Variants in MAF observed in about 807,000 individuals in gnomAD.
MAF encodes the protein MAF bZIP transcription factor, also known as transcription factor Maf.
Under a neutral mutation model 22.0 loss-of-function variants are expected in MAF, and 10 were observed. That is an observed-to-expected ratio of 0.45 (90% CI 0.28 to 0.77). MAF has a LOEUF of 0.77. Ranked by LOEUF, MAF falls within the 30% of genes least tolerant of loss-of-function variation. MAF has a pLI of 0.12. For synonymous variants in MAF, 337 were observed against 255.8 expected (o/e 1.32, Z -3.03); for missense variants, 544 against 548.4 (o/e 0.99, Z 0.08).
the MAF span, among the ~76,000 whole-genome samples, chr16:79,215,460 C>T: frequency 7.9e-5 from 12 of 152,010 alleles, no homozygotes; most frequent in South Asian, 1.0e-3. Context: ...AGTAAAGCCA[C>T]GAGAAAGAAG....
chr16:79,212,672 C>G, the MAF span: 1 of 152,158 alleles, frequency 6.6e-6, no homozygotes, highest in African/African-American at 2.4e-5. Flanking sequence ...ATATCATCAC[C>G]TGAAGTTTGT....
chr16:79,312,933 C>T, the MAF span, among the ~76,000 whole-genome samples: 6 of 152,234 alleles, frequency 3.9e-5, no homozygotes, highest in South Asian at 2.1e-4. Context: ...ATAAGACTTA[C>T]GGCATCATCG....
At chr16:79,398,914 G>A in the MAF span, among the ~76,000 whole-genome samples, 1 of 152,156 alleles carries the variant, frequency 6.6e-6, no homozygotes, top group Non-Finnish European at 1.5e-5. Context: ...ATGGCTCCCT[G>A]GAAGAACACA....
intron 1 of MAF, chr16:79,598,167 T>A: frequency 9.5e-7 from 1 of 1,049,104 alleles, no homozygotes; most frequent in Non-Finnish European, 1.2e-6. Context: ...AAACTTTGCT[T>A]TTTTTTTTCT....
At chr16:79,551,090 G>C in the MAF span, among the ~76,000 whole-genome samples, 1 of 152,132 alleles carries the variant, frequency 6.6e-6, no homozygotes, top group Non-Finnish European at 1.5e-5. Flanking sequence ...ATGTTGACAA[G>C]GACCTCACCC....
intron 1 of MAF, chr16:79,596,578 G>A: frequency 9.5e-7 from 1 of 1,047,232 alleles, no homozygotes; most frequent in Non-Finnish European, 1.2e-6. Flanking sequence ...CGCGTGGTTA[G>A]TTAGTAACTC....
chr16:79,380,275 C>A, the MAF span, among the ~76,000 whole-genome samples: 1 of 152,196 alleles, frequency 6.6e-6, no homozygotes, highest in East Asian at 1.9e-4. Flanking sequence ...TGTGAATCCT[C>A]AGTTTCTTCA....
chr16:79,535,076 A>G, the MAF span, among the ~76,000 whole-genome samples: 1 of 152,180 alleles, frequency 6.6e-6, no homozygotes, highest in African/African-American at 2.4e-5. Flanking sequence ...CTTACTTAGG[A>G]CAAAGTCAAT....
the MAF span, among the ~76,000 whole-genome samples, chr16:79,506,740 A>T: frequency 2.0e-5 from 3 of 152,184 alleles, no homozygotes; most frequent in African/African-American, 7.2e-5. Context: ...TCAGGGTCTC[A>T]CTGGGTGATG....
At chr16:79,354,146 C>G in the MAF span, among the ~76,000 whole-genome samples, 1 of 152,010 alleles carries the variant, frequency 6.6e-6, no homozygotes, top group East Asian at 1.9e-4. Context: ...AAGTGCGCAC[C>G]ACCGTGACTA....
chr16:79,410,405 G>C, the MAF span, among the ~76,000 whole-genome samples: 1 of 152,218 alleles, frequency 6.6e-6, no homozygotes, highest in Non-Finnish European at 1.5e-5. Context: ...ATATTGAACT[G>C]AGCAACTGCG....
At chr16:79,552,339 C>G in the MAF span, among the ~76,000 whole-genome samples, 3 of 152,028 alleles carry the variant, frequency 2.0e-5, no homozygotes, top group African/African-American at 7.2e-5. Flanking sequence ...TTCCCAGTAG[C>G]TGGACTACTG....
chr16:79,403,894 G>T, the MAF span, among the ~76,000 whole-genome samples: 3 of 152,146 alleles, frequency 2.0e-5, no homozygotes, highest in African/African-American at 7.2e-5. Flanking sequence ...GGCTGGGGAG[G>T]GCGAGAGGCA....
the MAF span, among the ~76,000 whole-genome samples, chr16:79,459,804 T>C: frequency 6.6e-6 from 1 of 152,196 alleles, no homozygotes; most frequent in Non-Finnish European, 1.5e-5. Context: ...ACTCAAGTGA[T>C]CTGCCTGCCT....
the MAF span, among the ~76,000 whole-genome samples, chr16:79,491,182 G>T: frequency 6.6e-6 from 1 of 152,110 alleles, no homozygotes; most frequent in Admixed American, 6.6e-5. Flanking sequence ...GTGCTTTCAG[G>T]GCAGGCCTGA....
At chr16:79,243,834 C>T in the MAF span, among the ~76,000 whole-genome samples, 1 of 151,918 alleles carries the variant, frequency 6.6e-6, no homozygotes, top group Non-Finnish European at 1.5e-5. Context: ...ACTGGCAAAC[C>T]GAATCCAGCA....
chr16:79,371,828 T>C, the MAF span, among the ~76,000 whole-genome samples: 7 of 152,224 alleles, frequency 4.6e-5, no homozygotes, highest in Admixed American at 2.6e-4. Flanking sequence ...AGAATCAGCA[T>C]GCAGCTCTGC....
At chr16:79,542,513 C>G in the MAF span, among the ~76,000 whole-genome samples, 1 of 152,196 alleles carries the variant, frequency 6.6e-6, no homozygotes, top group Non-Finnish European at 1.5e-5. Flanking sequence ...ACCCCCCAGA[C>G]ATCTCTGAGG....
At chr16:79,379,918 C>G in the MAF span, among the ~76,000 whole-genome samples, 1 of 152,182 alleles carries the variant, frequency 6.6e-6, no homozygotes, top group Non-Finnish European at 1.5e-5. Context: ...AGACTCCCCT[C>G]AGACACAGTT....
Sources: allele counts gnomAD v4.1 joint callset (sites outside exome capture counted in the v4.1 genomes callset), GRCh38; gene constraint gnomAD v4.1.1; transcripts MANE v1.5; gene names NCBI Gene and HGNC (gene_info 2026-07-23, HGNC 2026-07-21).